CORO2B: variants seen among roughly 807,000 people sequenced by gnomAD.
CORO2B encodes the protein coronin 2B, also known as coronin-2B.
A neutral mutation model predicts 58.8 loss-of-function variants in CORO2B; 26 were observed. The observed-to-expected ratio is 0.44, with a 90% CI of 0.32 to 0.61. CORO2B has a LOEUF of 0.61. CORO2B is among the 20% of genes least tolerant of loss of function. CORO2B has a pLI of 0.04. For missense variants in CORO2B, 460 were observed against 645.1 expected, an observed-to-expected ratio of 0.71 and a Z score of 3.11; for synonymous variants, 242 against 253.8, an observed-to-expected ratio of 0.95 and a Z score of 0.44.
chr15:68,564,393 T>A, the CORO2B span, among the ~76,000 whole-genome samples: 1 of 152,022 alleles, frequency 6.6e-6, no homozygotes, highest in Non-Finnish European at 1.5e-5. Context: ...AACCTCTGCC[T>A]CTTGGGCTCA....
At chr15:68,618,189 G>T (rs1180527961) in intron 1 of CORO2B, among the ~76,000 whole-genome samples, 1 of 152,098 alleles carries the variant, frequency 6.6e-6, no homozygotes, top group South Asian at 2.1e-4. Flanking sequence ...CAAAGGTCAT[G>T]ATATGCACTC....
At chr15:68,529,102 C>T in the CORO2B span, among the ~76,000 whole-genome samples, 9 of 152,034 alleles carry the variant, frequency 5.9e-5, no homozygotes, top group African/African-American at 1.7e-4. Context: ...ACAAAGGGAG[C>T]GAAGTACGTG....
At chr15:68,696,336 G>T (rs1892509820) in intron 3 of CORO2B, among the ~76,000 whole-genome samples, 1 of 151,754 alleles carries the variant, frequency 6.6e-6, no homozygotes, top group Non-Finnish European at 1.5e-5. Context: ...ATCATTTGAG[G>T]TCAGGAGTTC....
intron 1 of CORO2B, among the ~76,000 whole-genome samples, chr15:68,609,429 G>A (rs543726379): frequency 5.3e-5 from 8 of 152,274 alleles, no homozygotes; most frequent in African/African-American, 1.9e-4. Context: ...TGCAGGCTTT[G>A]GGGCAGGGCA....
chr15:68,605,600 T>C (rs1451219189), intron 1 of CORO2B, among the ~76,000 whole-genome samples: 1 of 152,122 alleles, frequency 6.6e-6, no homozygotes, highest in Non-Finnish European at 1.5e-5. Context: ...ATATCATGAT[T>C]GTAACTGTGT....
At chr15:68,531,555 G>GA in the CORO2B span, among the ~76,000 whole-genome samples, 489 of 77,828 alleles carry the variant, frequency 6.3e-3, 7 homozygotes, top group Non-Finnish European at 9.1e-3. Flanking sequence ...AAGGAAGGAA[G>GA]GAAAGAAAGA....
At chr15:68,717,998 G>A (rs796762818) in intron 8 of CORO2B, among the ~76,000 whole-genome samples, 15 of 152,270 alleles carry the variant, frequency 9.9e-5, no homozygotes, top group African/African-American at 3.6e-4. Flanking sequence ...CTTGCCAAAG[G>A]ACTCCTAGAT....
At chr15:68,551,343 T>C in the CORO2B span, among the ~76,000 whole-genome samples, 1 of 151,628 alleles carries the variant, frequency 6.6e-6, no homozygotes. Context: ...CCCCCAGGGG[T>C]CCTCCCCGCA....
At chr15:68,584,336 C>G (rs1447813411) in intron 1 of CORO2B, among the ~76,000 whole-genome samples, 1 of 152,198 alleles carries the variant, frequency 6.6e-6, no homozygotes, top group African/African-American at 2.4e-5. Flanking sequence ...TCCCCTCCCC[C>G]GAGGCACTGC....
At chr15:68,698,815 G>C (rs1035206897) in intron 3 of CORO2B, among the ~76,000 whole-genome samples, 5 of 152,134 alleles carry the variant, frequency 3.3e-5, no homozygotes, top group African/African-American at 9.7e-5. Context: ...ATCTATGCCT[G>C]CTCATCTCAC....
chr15:68,648,700 A>G (rs1271362643), intron 2 of CORO2B, among the ~76,000 whole-genome samples: 1 of 152,244 alleles, frequency 6.6e-6, no homozygotes, highest in East Asian at 1.9e-4. Context: ...AAGGCAAAAG[A>G]TATGAATAAG....
At chr15:68,625,296 G>A (rs753346470) in intron 1 of CORO2B, among the ~76,000 whole-genome samples, 17 of 149,190 alleles carry the variant, frequency 1.1e-4, no homozygotes, top group African/African-American at 1.8e-4. Context: ...CGGGTTCTTC[G>A]AGGTATAATT....
At chr15:68,628,185 G>C (rs943781093) in intron 1 of CORO2B, among the ~76,000 whole-genome samples, 1 of 152,232 alleles carries the variant, frequency 6.6e-6, no homozygotes, top group Admixed American at 6.5e-5. Flanking sequence ...TGCCTTCTAC[G>C]TGCCAAGCAC....
the CORO2B span, among the ~76,000 whole-genome samples, chr15:68,565,128 C>T: frequency 6.6e-6 from 1 of 152,086 alleles, no homozygotes; most frequent in Non-Finnish European, 1.5e-5. Flanking sequence ...ACAAATATTG[C>T]TTTACTGTCT....
rs62004274 is a variant in CORO2B at position 68,710,691 on chromosome 15, G to T, written c.334-41G>T. ...GGCACCTCTCATCAAGGGACTTCTT[G>T]GCCGTGTCCACCCAGCCTGGACCCT... On this transcript the variant is annotated intron_variant, in intron 3 of 11. Coordinates refer to ENST00000261861, the MANE Select transcript of CORO2B (RefSeq NM_006091.5). The surrounding 1 kb of genome is among the most constrained non-coding windows in gnomAD (Gnocchi z 4.1). 1 of 1,527,376 alleles carries T rather than the reference G, an allele frequency of 6.5e-7. No homozygotes were observed. The highest frequency in any genetic ancestry group is 8.8e-7 in the Non-Finnish European group (1 of 1,132,966). The allele number at this position is 1,527,376 out of a possible 1,614,324, so 94.6% of individuals were successfully genotyped here. A position where few individuals can be genotyped will look rare whatever the true frequency, so the allele number is the denominator to read the frequency against.
chr15:68,645,099 A>G lies in CORO2B; in HGVS notation c.16-61A>G, dbSNP rs1158764391. 5 of 1,554,768 alleles carry G rather than the reference A, an allele frequency of 3.2e-6. No individual in the cohort carries two copies. In the Admixed American group the frequency reaches 9.2e-5, roughly 29 times the overall value. On this transcript the variant is annotated intron_variant, in intron 1 of 11. Transcript: ENST00000261861. The surrounding 1 kb of genome is among the most constrained non-coding windows in gnomAD (Gnocchi z 4.5). Reference sequence around the variant, plus strand: ...CGCAGCTTCCCTCCCCCAAGAGCCCAGCCGAGGCCCTTCATGGCACAGGGC... The same window carrying G: ...CGCAGCTTCCCTCCCCCAAGAGCCCGGCCGAGGCCCTTCATGGCACAGGGC...
intron 3 of CORO2B, among the ~76,000 whole-genome samples, chr15:68,701,720 G>A (rs1325963053): frequency 7.9e-5 from 12 of 151,954 alleles, no homozygotes; most frequent in Admixed American, 6.6e-5. Context: ...TCCTGACCTC[G>A]TGATCTGCCC....
intron 2 of CORO2B, among the ~76,000 whole-genome samples, chr15:68,683,485 T>C (rs1048485940): frequency 6.6e-6 from 1 of 152,240 alleles, no homozygotes; most frequent in Non-Finnish European, 1.5e-5. Flanking sequence ...ATGTGCTTTT[T>C]CCACAATTTG....
intron 2 of CORO2B, among the ~76,000 whole-genome samples, chr15:68,666,451 G>A (rs1233707852): frequency 6.6e-6 from 1 of 152,226 alleles, no homozygotes; most frequent in African/African-American, 2.4e-5. Flanking sequence ...AACTCCACAG[G>A]ACCCAGGGAG....
Sources: gnomAD v4.1 joint callset for allele counts (sites outside exome capture counted in the v4.1 genomes callset) on GRCh38, gnomAD v4.1.1 for gene constraint, Gnocchi (gnomAD v3.1) non-coding constraint, MANE v1.5 for transcripts, NCBI Gene and HGNC (gene_info 2026-07-23, HGNC 2026-07-21) for gene names.